MTAP: variants seen among roughly 807,000 people sequenced by gnomAD.
MTAP encodes methylthioadenosine phosphorylase.
Under a neutral mutation model 33.6 loss-of-function variants are expected in MTAP, and 33 were observed. That is an observed-to-expected ratio of 0.98 (90% CI 0.74 to 1.31). MTAP has a LOEUF of 1.31. Among genes scored for constraint, MTAP ranks in the 40% most tolerant of loss-of-function variants. MTAP has a pLI of 0.00. For synonymous variants in MTAP, 148 were observed against 125.7 expected (o/e 1.18, Z -1.19); for missense variants, 367 against 360.0 (o/e 1.02, Z -0.16).
chr9:21,892,813 A>G (rs924054481), intron 1 of MTAP: 1 of 152,200 alleles, frequency 6.6e-6, no homozygotes, highest in Non-Finnish European at 1.5e-5. Context: ...CCCAACAACA[A>G]CAGAATATAC....
intron 5 of MTAP, among the ~76,000 whole-genome samples, chr9:21,851,756 C>T (rs890883300): frequency 6.6e-6 from 1 of 152,158 alleles, no homozygotes; most frequent in African/African-American, 2.4e-5. Context: ...TAGCCTTAAT[C>T]TGGGTGGGTA....
At chr9:21,813,198 C>A (rs932207199) in intron 1 of MTAP, among the ~76,000 whole-genome samples, 1 of 152,224 alleles carries the variant, frequency 6.6e-6, no homozygotes, top group Non-Finnish European at 1.5e-5. Flanking sequence ...GCCCTGCTGG[C>A]CTCCATCTTA....
At chr9:21,847,283 C>T (rs1825407037) in intron 5 of MTAP, among the ~76,000 whole-genome samples, 1 of 152,156 alleles carries the variant, frequency 6.6e-6, no homozygotes, top group African/African-American at 2.4e-5. Flanking sequence ...ATTTATCTAT[C>T]TGTCCCATTA....
chr9:21,857,315 T>G (rs1406264706), intron 6 of MTAP, among the ~76,000 whole-genome samples: 1 of 152,178 alleles, frequency 6.6e-6, no homozygotes, highest in Non-Finnish European at 1.5e-5. Context: ...TTAAAACATA[T>G]CATTTACATG....
At chr9:21,912,568 G>A (rs1209221630) in intron 1 of MTAP, among the ~76,000 whole-genome samples, 2 of 152,086 alleles carry the variant, frequency 1.3e-5, no homozygotes, top group Non-Finnish European at 2.9e-5. Flanking sequence ...AAAGACCTTC[G>A]ATAAAATTGA....
chr9:21,817,283 A>C lies in MTAP; in HGVS notation c.179+511A>C, dbSNP rs72614282. On this transcript the variant is annotated intron_variant, in intron 3 of 7. Coordinates refer to ENST00000644715, the MANE Select transcript of MTAP (RefSeq NM_002451.4). ...GTCAAGATATATGTATGAGTTCTCT[A>C]CTGTTGTGTAACAAATTACCACAAA... is the stretch of plus-strand genomic sequence containing the variant. Among the ~76,000 whole-genome samples the C allele has an allele frequency of 1.2e-3, 179 of 152,246 alleles. 4 individuals carry two copies. The East Asian group carries it at 0.032, about 27-fold the overall frequency.
At chr9:21,936,557 C>T (rs1431210131) in exon 8 of MTAP, 1 of 152,148 alleles carries the variant, frequency 6.6e-6, no homozygotes, top group East Asian at 1.9e-4. Flanking sequence ...ATAAGTTAAT[C>T]TACTTTTGGT....
exon 8 of MTAP, chr9:21,936,783 A>G (rs1819046347): frequency 6.6e-6 from 1 of 152,202 alleles, no homozygotes; most frequent in African/African-American, 2.4e-5. Flanking sequence ...AATATAGAGT[A>G]GTTAAAAAGA....
chr9:21,837,170 A>T (rs1359447223), intron 4 of MTAP, among the ~76,000 whole-genome samples: 4 of 152,208 alleles, frequency 2.6e-5, no homozygotes, highest in Admixed American at 6.5e-5. Context: ...TTGAACTAAG[A>T]CACTTTAGAA....
downstream of MTAP, among the ~76,000 whole-genome samples, chr9:21,868,173 G>T (rs1388711495): frequency 6.6e-6 from 1 of 152,154 alleles, no homozygotes; most frequent in Non-Finnish European, 1.5e-5. Context: ...TTCACCACAG[G>T]CAACTGTTCC....
chr9:21,851,478 A>G (rs2118479277), intron 5 of MTAP, among the ~76,000 whole-genome samples: 1 of 152,334 alleles, frequency 6.6e-6, no homozygotes, highest in South Asian at 2.1e-4. Context: ...TTTATGTAGT[A>G]GTATTTGGGT....
In MTAP at chr9:21,802,801, C is replaced by A; in HGVS notation, c.33+20C>A. Reference sequence around the variant, plus strand: ...GTGAAGGTGAGATGAGCCCTCCCAGCCGCAGCGGTTCGCCCTGCCGGATGC... The same window carrying A: ...GTGAAGGTGAGATGAGCCCTCCCAGACGCAGCGGTTCGCCCTGCCGGATGC... On this transcript the variant is annotated intron_variant, in intron 1 of 7. Transcript: ENST00000644715. The A allele has an allele frequency of 1.2e-6, 2 of 1,612,792 alleles. No homozygotes were observed. Among genetic ancestry groups the A allele is most frequent in the Non-Finnish European group, 1.7e-6 (2 of 1,179,674 alleles).
At chr9:21,836,732 T>G (rs965991208) in intron 4 of MTAP, among the ~76,000 whole-genome samples, 1 of 152,172 alleles carries the variant, frequency 6.6e-6, no homozygotes, top group Non-Finnish European at 1.5e-5. Context: ...CATATGACAG[T>G]GGGTTGGGAG....
intron 1 of MTAP, among the ~76,000 whole-genome samples, chr9:21,909,932 T>G (rs1272261904): frequency 6.6e-6 from 1 of 152,186 alleles, no homozygotes; most frequent in African/African-American, 2.4e-5. Flanking sequence ...ATCCATACAG[T>G]CTGTCTTTGA....
At chr9:21,915,107 G>C (rs1006462240) in intron 1 of MTAP, among the ~76,000 whole-genome samples, 1 of 130,064 alleles carries the variant, frequency 7.7e-6, no homozygotes, top group African/African-American at 3.2e-5. Context: ...TCTTTCGGCA[G>C]AGTCTTGCCC....
In MTAP at chr9:21,837,918, A is replaced by G. The variant is rs201653850; in HGVS notation, c.358A>G (p.Arg120Gly). Residue 120 changes from arginine to glycine, a missense_variant, in exon 5 of 8, where the codon AGA becomes GGA. Transcript: ENST00000644715. ...TGCTTTATTTTGTAGGACCACTATG[A>G]GACCTCAGTCCTTCTATGATGGAAG... Reference protein sequence around the residue: ...IDQFIDRTTMRPQSFYDGSHS... With the variant: ...IDQFIDRTTMGPQSFYDGSHS... 1 of 1,613,692 alleles carries G rather than the reference A, an allele frequency of 6.2e-7. No homozygotes were observed.
At chr9:21,886,713 TTC>T (rs1818116775) in intron 1 of MTAP, among the ~76,000 whole-genome samples, 1 of 152,214 alleles carries the variant, frequency 6.6e-6, no homozygotes, top group Admixed American at 6.5e-5. Flanking sequence ...CACTTTATGT[TTC>T]TGTTTGCTTT....
In MTAP at chr9:21,803,037, C is replaced by CACACACACACACACACACACACACACACA. The variant is rs71334599; in HGVS notation, c.33+256_33+257insACACACACACACACACACACACACACACA. 9.3e-5 allele frequency: 100 copies of CACACACACACACACACACACACACACACA among 1,078,810 alleles called. 2 individuals carry two copies. Among genetic ancestry groups the CACACACACACACACACACACACACACACA allele is most frequent in the East Asian group, 2.5e-4 (8 of 31,872 alleles). 66.8% of individuals were successfully genotyped at this position (1,078,810 alleles called of 1,614,324 possible). A position where few individuals can be genotyped will look rare whatever the true frequency, so the allele number is the denominator to read the frequency against. On this transcript the variant is annotated intron_variant, in intron 1 of 7. Transcript: ENST00000644715. Reference sequence around the variant, plus strand: ...ACACACACACACACACACACACACACCACCTTTTGGCTTATCTGCACCCGC... The same window carrying CACACACACACACACACACACACACACACA: ...ACACACACACACACACACACACACACACACACACACACACACACACACACACACACACCTTTTGGCTTATCTGCACCCGC...
At chr9:21,813,606 G>A (rs946440986) in intron 1 of MTAP, among the ~76,000 whole-genome samples, 8 of 152,202 alleles carry the variant, frequency 5.3e-5, no homozygotes, top group Admixed American at 1.3e-4. Context: ...ATTTGATCCC[G>A]AGCATCCAGT....
Sources: gnomAD v4.1 joint callset for allele counts (sites outside exome capture counted in the v4.1 genomes callset) on GRCh38, gnomAD v4.1.1 for gene constraint, MANE v1.5 for transcripts, NCBI Gene and HGNC (gene_info 2026-07-23, HGNC 2026-07-21) for gene names.